Variants in KIF16B observed in about 807,000 individuals in gnomAD.
The protein encoded by KIF16B is kinesin family member 16B.
In KIF16B, 98 loss-of-function variants were observed where a neutral mutation model predicts 156.3. The observed-to-expected ratio is 0.63, with a 90% CI of 0.53 to 0.74. The LOEUF is 0.74. Among genes scored for constraint, KIF16B ranks in the 30% least tolerant of loss-of-function variants. The pLI, the probability that KIF16B is intolerant of heterozygous loss-of-function variation, is 0.00. For missense variants in KIF16B, 1,421 were observed against 1,606.5 expected, an observed-to-expected ratio of 0.88 and a Z score of 1.97; for synonymous variants, 564 against 583.7, an observed-to-expected ratio of 0.97 and a Z score of 0.49.
intron 11 of KIF16B, among the ~76,000 whole-genome samples, chr20:16,496,998 C>T (rs930362021): frequency 6.6e-6 from 1 of 151,978 alleles, no homozygotes; most frequent in Non-Finnish European, 1.5e-5. Flanking sequence ...ATGTCTGTTT[C>T]TCTTTTCACA....
At chr20:16,297,612 C>T (rs191746887) in intron 25 of KIF16B, among the ~76,000 whole-genome samples, 128 of 149,238 alleles carry the variant, frequency 8.6e-4, no homozygotes, top group Admixed American at 5.0e-3. Flanking sequence ...AGGAGAATGG[C>T]GTGAACCCAG....
intron 13 of KIF16B, 89 bp downstream of exon 13, chr20:16,429,774 A>C (rs2066450099): frequency 8.8e-7 from 1 of 1,134,904 alleles, no homozygotes; most frequent in Admixed American, 2.6e-5. Context: ...AGTTGTGTTC[A>C]TGACCATAGA....
intron 1 of KIF16B, among the ~76,000 whole-genome samples, chr20:16,551,110 C>G (rs2070634700): frequency 6.6e-6 from 1 of 150,646 alleles, no homozygotes; most frequent in South Asian, 2.1e-4. Context: ...GTGAAGAAAC[C>G]ACCAGTGAGG....
At chr20:16,449,876 C>G (rs918391944) in intron 12 of KIF16B, among the ~76,000 whole-genome samples, 4 of 151,966 alleles carry the variant, frequency 2.6e-5, no homozygotes, top group Non-Finnish European at 5.9e-5. Flanking sequence ...CATGGGTGCA[C>G]CAGGGCACAT....
At chr20:16,455,588 C>T (rs527542194) in intron 12 of KIF16B, among the ~76,000 whole-genome samples, 3 of 152,224 alleles carry the variant, frequency 2.0e-5, no homozygotes, top group South Asian at 2.1e-4. Context: ...ATAAATAGTT[C>T]ATGGGCACTA....
chr20:16,349,134 T>C (rs1298141675), intron 23 of KIF16B, among the ~76,000 whole-genome samples: 2 of 152,212 alleles, frequency 1.3e-5, no homozygotes, highest in African/African-American at 4.8e-5. Context: ...TTGTCTGCCA[T>C]GGCCCCTCGT....
chr20:16,470,661 CTTT>C (rs1247299482), intron 12 of KIF16B, among the ~76,000 whole-genome samples: 5 of 136,766 alleles, frequency 3.7e-5, no homozygotes, highest in Admixed American at 7.4e-5. Context: ...TTCTTTTTTT[CTTT>C]TTTTTTTTTT....
chr20:16,422,044 T>C (rs190236258), intron 15 of KIF16B, among the ~76,000 whole-genome samples: 25 of 152,276 alleles, frequency 1.6e-4, no homozygotes, highest in Admixed American at 1.2e-3. Flanking sequence ...AGAATAGGCA[T>C]ATTATTTAAA....
chr20:16,394,920 A>G (rs1442958531), intron 17 of KIF16B, among the ~76,000 whole-genome samples: 1 of 151,852 alleles, frequency 6.6e-6, no homozygotes, highest in African/African-American at 2.4e-5. Context: ...CCCTTTCTAC[A>G]TTGTTAGAAA....
chr20:16,537,011 C>T (rs1205739863), intron 1 of KIF16B, among the ~76,000 whole-genome samples: 5 of 152,112 alleles, frequency 3.3e-5, no homozygotes, highest in African/African-American at 1.2e-4. Context: ...CCAGATCTCC[C>T]CACTTTGTAG....
Position 16,379,470 on chromosome 20 carries a change from A to G in KIF16B, c.2532T>C (p.Val844=). 6.2e-7 allele frequency: 1 copy of G among 1,614,046 alleles called. No homozygotes were observed. The highest frequency in any genetic ancestry group is 8.5e-7 in the Non-Finnish European group (1 of 1,180,038). The change falls in exon 19 of 26, where the codon GTT becomes GTC. Residue 844 remains valine (V), a synonymous_variant. Transcript: ENST00000354981. ...CTTTTTTCAGGATGTCTTTCTGCTG[A>G]ACCAGGTCCTTCTCCAAGTTCACTA... The part of the protein sequence containing the change: ...VKLVNLEKDL[V]QQKDILKKEV...
At chr20:16,419,192 T>C (rs940236450) in intron 15 of KIF16B, among the ~76,000 whole-genome samples, 4 of 152,060 alleles carry the variant, frequency 2.6e-5, no homozygotes, top group Non-Finnish European at 5.9e-5. Flanking sequence ...GCTTTGACAT[T>C]GAAAAATAGT....
At chr20:16,304,177 G>A (rs1210115708) in intron 25 of KIF16B, among the ~76,000 whole-genome samples, 1 of 152,140 alleles carries the variant, frequency 6.6e-6, no homozygotes, top group Non-Finnish European at 1.5e-5. Context: ...TTTAGAAGTT[G>A]TTATTATTCT....
At position 16,551,032 on chromosome 20, in the gene KIF16B, G is replaced by C. The variant is rs145990547; in HGVS notation, c.47+22197C>G. ...ATCAAGCTTACTTTGAACAAAACAT[G>C]ATTTAACCCAGCTAGGAGCACATTA... On this transcript the variant is annotated intron_variant, in intron 1 of 25. Transcript: ENST00000354981. 2.5e-3 allele frequency among the ~76,000 whole-genome samples: 375 copies of C among 152,010 alleles called. 3 individuals are homozygous for C. The highest frequency in any genetic ancestry group is 8.8e-3 in the African/African-American group (365 of 41,472).
chr20:16,288,412 T>C (rs924121972), intron 25 of KIF16B, among the ~76,000 whole-genome samples: 1 of 152,292 alleles, frequency 6.6e-6, no homozygotes, highest in Non-Finnish European at 1.5e-5. Flanking sequence ...AAGTACAGTA[T>C]GTACTGGTGA....
At chr20:16,411,262 T>C (rs1363587109) in intron 15 of KIF16B, among the ~76,000 whole-genome samples, 2 of 151,750 alleles carry the variant, frequency 1.3e-5, no homozygotes, top group Non-Finnish European at 1.5e-5. Flanking sequence ...ACTCTTTTAA[T>C]ACACAATTGA....
intron 1 of KIF16B, among the ~76,000 whole-genome samples, chr20:16,548,144 C>A (rs1003080268): frequency 6.6e-6 from 1 of 152,184 alleles, no homozygotes; most frequent in African/African-American, 2.4e-5. Flanking sequence ...ATCCCAACAG[C>A]CAGTTTCAGG....
chr20:16,361,031 A>G (rs2064542451), intron 22 of KIF16B, among the ~76,000 whole-genome samples: 1 of 152,220 alleles, frequency 6.6e-6, no homozygotes, highest in African/African-American at 2.4e-5. Context: ...GGTCTGGCCT[A>G]AGGACTGCCA....
chr20:16,308,569 C>G (rs962534539), intron 25 of KIF16B, among the ~76,000 whole-genome samples: 1 of 152,238 alleles, frequency 6.6e-6, no homozygotes, highest in African/African-American at 2.4e-5. Context: ...CTTTGTGACC[C>G]TCTTTCTCCT....
Sources: gnomAD v4.1 joint callset for allele counts (sites outside exome capture counted in the v4.1 genomes callset) on GRCh38, gnomAD v4.1.1 for gene constraint, MANE v1.5 for transcripts, NCBI Gene and HGNC (gene_info 2026-07-23, HGNC 2026-07-21) for gene names.